The following RGPD8 variants were observed in gnomAD, a reference collection of about 807,000 sequenced individuals.
The protein encoded by RGPD8 is RANBP2-like and GRIP domain-containing protein 8.
Under a neutral mutation model 89.1 loss-of-function variants are expected in RGPD8, and 15 were observed. That is an observed-to-expected ratio of 0.17 (90% CI 0.11 to 0.26). RGPD8 has a LOEUF of 0.26. Ranked by LOEUF, RGPD8 falls within the 10% of genes least tolerant of loss-of-function variation. RGPD8 has a pLI of 1.00. For missense variants in RGPD8, 178 were observed against 1,179.6 expected, an observed-to-expected ratio of 0.15 and a Z score of 12.44; for synonymous variants, 62 against 420.9, an observed-to-expected ratio of 0.15 and a Z score of 10.44.
chr2:112,381,886 A>C (rs1316552862), intron 20 of RGPD8, among the ~76,000 whole-genome samples: 1 of 152,302 alleles, frequency 6.6e-6, no homozygotes, highest in Non-Finnish European at 1.5e-5. Context: ...GGACAGTGTG[A>C]TGGTTAATAC....
intron 7 of RGPD8, among the ~76,000 whole-genome samples, chr2:112,410,641 G>A (rs1196626993): frequency 1.6e-4 from 24 of 150,724 alleles, no homozygotes; most frequent in African/African-American, 6.0e-4. Context: ...AGCCAGGCAT[G>A]GTGGTGTGTG....
rs577590159 is a variant in RGPD8 at position 112,425,519 on chromosome 2, G to A, written c.73-1212C>T. On this transcript the variant is annotated intron_variant, in intron 1 of 22. Coordinates refer to ENST00000302558, the MANE Select transcript of RGPD8 (RefSeq NM_001164463.1). ...TCACACCTGTAATCCCAGCACTTTC[G>A]GAGACTGAGGCGGGTGGATCACTTG... Among the ~76,000 whole-genome samples the A allele has an allele frequency of 3.2e-3, 490 of 152,052 alleles. 2 individuals are homozygous for A. The highest frequency in any genetic ancestry group is 0.011 in the African/African-American group (451 of 41,484).
chr2:112,415,199 C>A (rs1412453300), intron 6 of RGPD8, among the ~76,000 whole-genome samples: 7 of 152,070 alleles, frequency 4.6e-5, no homozygotes, highest in Admixed American at 2.0e-4. Context: ...CTGGCTAACA[C>A]GGTGACACTC....
intron 22 of RGPD8, among the ~76,000 whole-genome samples, chr2:112,370,984 G>A (rs1314535174): frequency 2.0e-5 from 3 of 149,392 alleles, no homozygotes; most frequent in Non-Finnish European, 3.0e-5. Context: ...ATTATTTATT[G>A]TCTTTCTCTA....
At chr2:112,419,508 A>G (rs1167541319) in intron 4 of RGPD8, among the ~76,000 whole-genome samples, 1 of 149,372 alleles carries the variant, frequency 6.7e-6, no homozygotes, top group Non-Finnish European at 1.5e-5. Context: ...CAAATGTCAG[A>G]AACTGTTTAC....
At chr2:112,426,550 C>A (rs1175466604) in intron 1 of RGPD8, among the ~76,000 whole-genome samples, 1 of 149,020 alleles carries the variant, frequency 6.7e-6, no homozygotes, top group East Asian at 2.0e-4. Context: ...ACTGTACCAG[C>A]AACGAACAAT....
At chr2:112,382,227 A>G (rs1228663281) in intron 20 of RGPD8, among the ~76,000 whole-genome samples, 2 of 152,302 alleles carry the variant, frequency 1.3e-5, no homozygotes, top group African/African-American at 4.8e-5. Flanking sequence ...GTGATCGTGT[A>G]AGGTAATACT....
chr2:112,390,279 T>C, intron 19 of RGPD8, 32 bp from the exon 20 acceptor site: 1 of 1,420,072 alleles, frequency 7.0e-7, no homozygotes, highest in Non-Finnish European at 9.7e-7. Context: ...ATTTTCTTGA[T>C]CCACATGCCC....
At chr2:112,433,297 A>G (rs911927731) in intron 1 of RGPD8, 85 bp downstream of exon 1, 12 of 1,439,548 alleles carry the variant, frequency 8.3e-6, no homozygotes, top group African/African-American at 1.6e-5. Flanking sequence ...ATGACCCCTG[A>G]CCCATCGAGG....
Position 112,390,063 on chromosome 2 carries a change from A to T in RGPD8, c.2882T>A (p.Ile961Asn), listed in dbSNP as rs749909495. Residue 961 changes from isoleucine to asparagine, a missense_variant, in exon 20 of 23, where the codon ATT (isoleucine) becomes AAT (asparagine). Transcript: ENST00000302558. The part of the protein sequence containing the change: ...IRGRKKGRGV[I>N]FGQTSSTFTF... ...AAAAGTGCTACTTGTTTGGCCAAAA[A>T]TCACACCACGGCCCTTCTTCCGGCC... is the stretch of plus-strand genomic sequence containing the variant. 8.9e-6 allele frequency: 14 copies of T among 1,574,718 alleles called. 1 individual carries two copies. Among genetic ancestry groups the T allele is most frequent in the South Asian group, 1.1e-5 (1 of 88,882 alleles).
At chr2:112,416,361 C>T (rs1462009335) in intron 6 of RGPD8, among the ~76,000 whole-genome samples, 3 of 150,728 alleles carry the variant, frequency 2.0e-5, no homozygotes, top group East Asian at 1.9e-4. Context: ...GAACTTCTTT[C>T]CTTATACCAG....
At chr2:112,371,327 C>T (rs1394456751) in intron 22 of RGPD8, among the ~76,000 whole-genome samples, 2,409 of 60,922 alleles carry the variant, frequency 0.04, 148 homozygotes, top group African/African-American at 0.15. Flanking sequence ...GCTGCTTCTC[C>T]CACTCCTTGG....
At chr2:112,391,702 C>G (rs1198904401) in intron 18 of RGPD8, among the ~76,000 whole-genome samples, 1 of 129,402 alleles carries the variant, frequency 7.7e-6, no homozygotes, top group Non-Finnish European at 1.7e-5. Flanking sequence ...ATGTTAATGA[C>G]AAAACTACCA....
intron 6 of RGPD8, among the ~76,000 whole-genome samples, chr2:112,413,164 G>C (rs1464432980): frequency 7.0e-6 from 1 of 142,114 alleles, no homozygotes. Context: ...ACTACCGCCT[G>C]GGCTGGAGTG....
chr2:112,427,695 T>C (rs1169168775), intron 1 of RGPD8, among the ~76,000 whole-genome samples: 5 of 152,258 alleles, frequency 3.3e-5, no homozygotes, highest in African/African-American at 9.6e-5. Flanking sequence ...CTGTCGCCCA[T>C]CTTGCACAGT....
rs1487925404 is a variant in RGPD8 at position 112,422,028 on chromosome 2, T to C, written c.337A>G (p.Arg113Gly). The change falls in exon 4 of 23, where the codon AGA becomes GGA. Residue 113 changes from arginine (R) to glycine (G), a missense_variant. Transcript: ENST00000302558. ...GCTCTTTCGACCCAGTATTTTGCTC[T>C]TCCATCAGTAACATCATTTTTACAA... The part of the protein sequence containing the change: ...LLCKNDVTDG[R>G]AKYWVERAAK... 4.6e-5 allele frequency: 4 copies of C among 87,452 alleles called. No homozygotes were observed. Among genetic ancestry groups the C allele is most frequent in the Non-Finnish European group, 7.3e-5 (4 of 54,624 alleles). The allele number at this position is 87,452 out of a possible 1,614,324, so 5.4% of individuals were successfully genotyped here.
intron 1 of RGPD8, among the ~76,000 whole-genome samples, chr2:112,429,247 C>A (rs1007954422): frequency 6.6e-6 from 1 of 151,548 alleles, no homozygotes; most frequent in Non-Finnish European, 1.5e-5. Context: ...GGTGAAACTC[C>A]GTCTCTACTA....
chr2:112,370,419 C>CTCGAGTGCA, intron 22 of RGPD8, among the ~76,000 whole-genome samples: 2 of 103,462 alleles, frequency 1.9e-5, no homozygotes, highest in African/African-American at 7.7e-5. Context: ...GTCACCCAGG[C>CTCGAGTGCA]TCGAGTGCAG....
At chr2:112,429,333 G>T (rs1170577769) in intron 1 of RGPD8, among the ~76,000 whole-genome samples, 2 of 143,366 alleles carry the variant, frequency 1.4e-5, no homozygotes, top group African/African-American at 5.1e-5. Context: ...GGAGAATGGC[G>T]TGAACCCCGG....
Sources: gnomAD v4.1 joint callset for allele counts (sites outside exome capture counted in the v4.1 genomes callset) on GRCh38, gnomAD v4.1.1 for gene constraint, MANE v1.5 for transcripts, NCBI Gene and HGNC (gene_info 2026-07-23, HGNC 2026-07-21) for gene names.